Variants in RPE observed in about 807,000 individuals in gnomAD.
The protein encoded by RPE is ribulose-phosphate 3-epimerase.
RPE carries 16 observed loss-of-function variants against 24.6 expected under a neutral mutation model. The observed-to-expected ratio is 0.65, with a 90% CI of 0.44 to 0.99. The LOEUF is 0.99. RPE is among the 50% of genes least tolerant of loss of function. The pLI is 0.00. For missense variants in RPE, 240 were observed against 294.5 expected (o/e 0.81, Z 1.35); for synonymous variants, 93 against 98.4 (o/e 0.94, Z 0.33).
rs958713074 is a variant in RPE at position 210,018,633 on chromosome 2, C to T, written c.565-1036C>T. ...GGGCTGGCCAGATGATGAGTGAGCT[C>T]ATATCCTTTTGATCGCTTGTGGAAT... On this transcript the variant is annotated intron_variant, in intron 5 of 5. Transcript: ENST00000359429. 3.0e-6 allele frequency: 3 copies of T among 985,158 alleles called. No individual in the cohort carries two copies. In the Admixed American group the frequency reaches 1.8e-4, roughly 61 times the overall value. The allele number at this position is 985,158 out of a possible 1,614,324, so 61.0% of individuals were successfully genotyped here. A position where few individuals can be genotyped will look rare whatever the true frequency, so the allele number is the denominator to read the frequency against.
At position 210,017,636 on chromosome 2, in the gene RPE, G is replaced by T; in HGVS notation, c.564+77G>T. On this transcript the variant is annotated intron_variant, in intron 5 of 5. Coordinates refer to ENST00000359429, the MANE Select transcript of RPE (RefSeq NM_199229.3). ...CCAGGACATTGTCTCATGGGCCAGC[G>T]ATTCCCTCTGTGGTTCCTAAGTTGA... 5 of 1,339,694 alleles carry T rather than the reference G, an allele frequency of 3.7e-6. No homozygotes were observed. The South Asian group carries it at 5.0e-5, about 13-fold the overall frequency. 83.0% of individuals were successfully genotyped at this position (1,339,694 alleles called of 1,614,324 possible).
intron 1 of RPE, among the ~76,000 whole-genome samples, chr2:210,004,161 T>G (rs921533875): frequency 6.6e-6 from 1 of 152,154 alleles, no homozygotes; most frequent in African/African-American, 2.4e-5. Context: ...ACCTAGAGGG[T>G]CACAGGATGG....
At chr2:210,013,675 C>G (rs1000763373) in intron 2 of RPE, among the ~76,000 whole-genome samples, 16 of 152,106 alleles carry the variant, frequency 1.1e-4, no homozygotes, top group African/African-American at 2.7e-4. Context: ...TAATCCATAT[C>G]AACAGAAGTT....
intron 5 of RPE, among the ~76,000 whole-genome samples, chr2:210,019,268 T>C (rs1402191434): frequency 6.6e-6 from 1 of 152,200 alleles, no homozygotes; most frequent in Non-Finnish European, 1.5e-5. Context: ...CCTTTCACAC[T>C]CACAAATTCA....
At chr2:210,009,060 C>T (rs181652540) in intron 1 of RPE, among the ~76,000 whole-genome samples, 3 of 152,286 alleles carry the variant, frequency 2.0e-5, no homozygotes. Context: ...TTTTATTTAT[C>T]TTGTGCTCTT....
intron 1 of RPE, 80 bp from the exon 2 acceptor site, chr2:210,009,573 TCAAC>T: frequency 6.5e-7 from 1 of 1,548,346 alleles, no homozygotes; most frequent in Non-Finnish European, 8.9e-7. Context: ...GACAATCCCC[TCAAC>T]CTGTGTCAGA....
chr2:210,002,832 A>T, intron 1 of RPE, 49 bp downstream of exon 1: 3 of 1,613,770 alleles, frequency 1.9e-6, no homozygotes, highest in Non-Finnish European at 2.5e-6. Flanking sequence ...GGGGCGGATC[A>T]GTGCACCTTT....
intron 2 of RPE, among the ~76,000 whole-genome samples, chr2:210,011,432 A>T (rs2125069327): frequency 6.6e-6 from 1 of 151,474 alleles, no homozygotes; most frequent in South Asian, 2.1e-4. Context: ...GCTCCCTTTT[A>T]TTTGGGCTCC....
rs781541051 is a variant in RPE at position 210,009,777 on chromosome 2, C to T, written c.202+41C>T. On this transcript the variant is annotated intron_variant, in intron 2 of 5. Transcript: ENST00000359429. ...GCCATCTGAAGCTGGATGTGTTGCT[C>T]AAGTAAAGGAAAACTGGATGGTTGA... 8.7e-6 allele frequency: 14 copies of T among 1,612,476 alleles called. No homozygotes were observed. In the South Asian group the frequency reaches 1.4e-4, roughly 16 times the overall value.
At chr2:210,006,841 T>A (rs867908090) in intron 1 of RPE, among the ~76,000 whole-genome samples, 6 of 152,358 alleles carry the variant, frequency 3.9e-5, no homozygotes, top group Non-Finnish European at 7.3e-5. Flanking sequence ...AATCACTTTT[T>A]TAATGATAGA....
intron 2 of RPE, among the ~76,000 whole-genome samples, chr2:210,015,456 C>T (rs1019008481): frequency 6.6e-6 from 1 of 152,280 alleles, no homozygotes; most frequent in South Asian, 2.1e-4. Context: ...ACCTAGTGTG[C>T]ATTTTACTTA....
At chr2:210,010,241 T>G (rs1468263528) in intron 2 of RPE, among the ~76,000 whole-genome samples, 1 of 152,200 alleles carries the variant, frequency 6.6e-6, no homozygotes, top group Non-Finnish European at 1.5e-5. Flanking sequence ...ATTTATTTTG[T>G]GCAAATTGGA....
intron 5 of RPE, chr2:210,017,867 C>T: frequency 1.8e-6 from 1 of 553,274 alleles, no homozygotes; most frequent in Non-Finnish European, 3.2e-6. Flanking sequence ...GCCTCAGCCT[C>T]CTGAGTAGCT....
intron 2 of RPE, among the ~76,000 whole-genome samples, chr2:210,010,274 AT>A (rs1205518891): frequency 6.6e-6 from 1 of 152,076 alleles, no homozygotes; most frequent in African/African-American, 2.4e-5. Flanking sequence ...TGGTGCCTAA[AT>A]ATTCACTCCA....
Position 210,009,657 on chromosome 2 carries a change from G to T in RPE, c.123G>T (p.Gly41=), listed in dbSNP as rs771516786. The T allele has an allele frequency of 6.2e-7, 1 of 1,614,106 alleles. No individual in the cohort carries two copies. The highest frequency in any genetic ancestry group is 8.5e-7 in the Non-Finnish European group (1 of 1,180,000). The change falls in exon 2 of 6, where the codon GGG becomes GGT. Residue 41 remains glycine, a splice_region_variant and synonymous_variant. Coordinates refer to ENST00000359429, the MANE Select transcript of RPE (RefSeq NM_199229.3). ...AGAGTAGATTTTGTTTGTCTTGTAG[G>T]CATTTTGTTCCCAACATCACCTTTG... ...ADYLHLDVMD[G]HFVPNITFGH...
At chr2:210,018,602 C>T in intron 5 of RPE, 10 of 985,202 alleles carry the variant, frequency 1.0e-5, no homozygotes, top group Non-Finnish European at 1.2e-5. Flanking sequence ...AATACTTATG[C>T]AGGAGGGGCT....
chr2:210,006,404 G>C (rs2093631503), intron 1 of RPE, among the ~76,000 whole-genome samples: 1 of 151,174 alleles, frequency 6.6e-6, no homozygotes, highest in African/African-American at 2.4e-5. Flanking sequence ...TAGCCTTTGG[G>C]TTTTTTTTTG....
chr2:210,018,050 G>A, intron 5 of RPE: 1 of 1,232,220 alleles, frequency 8.1e-7, no homozygotes, highest in African/African-American at 1.5e-5. Context: ...TGGCCCGTAA[G>A]TGGATATTCT....
intron 2 of RPE, among the ~76,000 whole-genome samples, 176 bp from the exon 3 acceptor site, chr2:210,015,792 TAAATC>T (rs2093763330): frequency 6.6e-6 from 1 of 152,338 alleles, no homozygotes; most frequent in Admixed American, 6.5e-5. Context: ...TGAATTTAAA[TAAATC>T]CTTGTCTTCA....
Sources: allele counts gnomAD v4.1 joint callset (sites outside exome capture counted in the v4.1 genomes callset), GRCh38; gene constraint gnomAD v4.1.1; transcripts MANE v1.5; gene names NCBI Gene and HGNC (gene_info 2026-07-23, HGNC 2026-07-21).